Variants in OS9 observed in about 807,000 individuals in gnomAD.
OS9 encodes the protein protein OS-9.
OS9 carries 58 observed loss-of-function variants against 84.7 expected under a neutral mutation model. The observed-to-expected ratio is 0.68, with a 90% confidence interval of 0.55 to 0.85. OS9 has a LOEUF of 0.85. Ranked by LOEUF, OS9 falls within the 40% of genes least tolerant of loss-of-function variation. The pLI is 0.00. For missense variants in OS9, 760 were observed against 850.9 expected (o/e 0.89, Z 1.33); for synonymous variants, 278 against 320.8 (o/e 0.87, Z 1.43).
intron 5 of OS9, among the ~76,000 whole-genome samples, chr12:57,708,625 CAAA>C (rs150314356): frequency 5.1e-5 from 6 of 117,716 alleles, no homozygotes; most frequent in South Asian, 2.6e-4. Context: ...GACACTGTCT[CAAA>C]AAAAAAAAAA....
rs1005835477 is a variant in OS9, at chr12:57,717,862, C to T, written c.1046-8C>T. 1 of 1,265,354 alleles carries T rather than the reference C, an allele frequency of 7.9e-7. No individual in the cohort carries two copies. Among genetic ancestry groups the T allele is most frequent in the Admixed American group, 2.0e-5 (1 of 50,352 alleles). The allele number at this position is 1,265,354 out of a possible 1,614,324, so 78.4% of individuals were successfully genotyped here. A position where few individuals can be genotyped will look rare whatever the true frequency, so the allele number is the denominator to read the frequency against. On this transcript the variant is annotated splice_polypyrimidine_tract_variant and splice_region_variant and intron_variant, in intron 9 of 14. Transcript: ENST00000315970. ...AACAGGTTCATGATTATTATTCTTT[C>T]ATCTCAGATTTTCAGAACAACGTGC...
intron 5 of OS9, among the ~76,000 whole-genome samples, chr12:57,698,284 C>T (rs1953924284): frequency 6.8e-6 from 1 of 146,908 alleles, no homozygotes; most frequent in East Asian, 1.9e-4. Flanking sequence ...AGCATCCACA[C>T]ACGTATATAA....
intron 5 of OS9, among the ~76,000 whole-genome samples, chr12:57,713,345 G>A (rs1164205257): frequency 6.6e-6 from 1 of 152,162 alleles, no homozygotes; most frequent in Non-Finnish European, 1.5e-5. Flanking sequence ...TTGGGGTCAG[G>A]AATAATGGCT....
At chr12:57,700,013 T>A (rs1953972505) in intron 5 of OS9, among the ~76,000 whole-genome samples, 1 of 151,900 alleles carries the variant, frequency 6.6e-6, no homozygotes, top group African/African-American at 2.4e-5. Flanking sequence ...GAGAATTGCT[T>A]GAACCCGGGA....
chr12:57,709,663 ACT>A (rs774274571), intron 5 of OS9, among the ~76,000 whole-genome samples: 52 of 152,018 alleles, frequency 3.4e-4, no homozygotes, highest in East Asian at 1.9e-3. Context: ...CATTTAAAGA[ACT>A]CTGTTAATAT....
intron 1 of OS9, 82 bp downstream of exon 1, chr12:57,694,405 TG>T (rs1953760675): frequency 5.6e-6 from 8 of 1,438,180 alleles, no homozygotes; most frequent in African/African-American, 1.4e-5. Flanking sequence ...CTCCGGAGTC[TG>T]GGGCTGGAGC....
chr12:57,718,096 G>A, intron 10 of OS9, 50 bp from the exon 11 acceptor site: 1 of 1,586,738 alleles, frequency 6.3e-7, no homozygotes, highest in Non-Finnish European at 8.6e-7. Flanking sequence ...CCGACCATGT[G>A]TCTCTGTTGA....
rs1298076920 is a variant in OS9 at position 57,694,266 on chromosome 12, G to A, written c.105G>A (p.Glu35=). The A allele has an allele frequency of 8.7e-6, 14 of 1,614,064 alleles. No individual in the cohort carries two copies. The highest frequency in any genetic ancestry group is 1.2e-5 in the Non-Finnish European group (14 of 1,180,042). The part of the protein sequence containing the change: ...TGGVGSLNLE[E]LSEMRYGIEI... ...GTGTCGGGAGCCTGAACCTGGAGGA[G>A]CTGAGTGAGATGCGTTATGGGATCG... The change falls in exon 1 of 15, where the codon GAG becomes GAA. Residue 35 remains glutamate (E), a synonymous_variant. Coordinates refer to ENST00000315970, the MANE Select transcript of OS9 (RefSeq NM_006812.4).
intron 5 of OS9, among the ~76,000 whole-genome samples, chr12:57,711,410 G>A (rs948579764): frequency 4.7e-5 from 6 of 128,742 alleles, no homozygotes; most frequent in African/African-American, 8.9e-5. Flanking sequence ...GCAGTGGCGC[G>A]ATCTCTGCTC....
In OS9 at chr12:57,699,342, A is replaced by T. The variant is rs544573713; in HGVS notation, c.579+2969A>T. 2.6e-5 allele frequency among the ~76,000 whole-genome samples: 4 copies of T among 152,336 alleles called. No individual in the cohort carries two copies. The East Asian group carries it at 7.7e-4, about 29-fold the overall frequency. ...TTGTCCTTGTATCAGCCATAACTGAAGCCAAGGTATGGATGAAATCCCCCA... is the reference window on the plus strand; with the variant it reads ...TTGTCCTTGTATCAGCCATAACTGATGCCAAGGTATGGATGAAATCCCCCA... On this transcript the variant is annotated intron_variant, in intron 5 of 14. Transcript: ENST00000315970.
chr12:57,720,976 C>T lies in OS9; in HGVS notation c.*67C>T, dbSNP rs1007220658. On this transcript the variant is annotated 3_prime_UTR_variant, in exon 15 of 15. Transcript: ENST00000315970. ...CCTGGACTGGCTTGCCTCCTCCCCA[C>T]CTCCCCACCCTGGAACCCCTGAGGG... The T allele has an allele frequency of 3.2e-6, 5 of 1,577,894 alleles. No homozygotes were observed. The highest frequency in any genetic ancestry group is 1.7e-6 in the Non-Finnish European group (2 of 1,150,488).
chr12:57,714,587 T>A (rs1388591391), intron 5 of OS9, among the ~76,000 whole-genome samples: 1 of 152,102 alleles, frequency 6.6e-6, no homozygotes, highest in Non-Finnish European at 1.5e-5. Flanking sequence ...ATTTCAGAAG[T>A]AGGACCGCTC....
intron 12 of OS9, 69 bp from the exon 13 acceptor site, chr12:57,720,030 G>A: frequency 7.0e-7 from 1 of 1,434,292 alleles, no homozygotes; most frequent in Non-Finnish European, 9.5e-7. Context: ...AGGGGGAGAT[G>A]ACCCCCACAC....
chr12:57,700,531 A>G (rs1013936709), intron 5 of OS9, among the ~76,000 whole-genome samples: 1 of 151,912 alleles, frequency 6.6e-6, no homozygotes, highest in African/African-American at 2.4e-5. Context: ...TAAAGCCCCT[A>G]CTCCAGGGCA....
At chr12:57,707,022 A>G (rs1424425341) in intron 5 of OS9, among the ~76,000 whole-genome samples, 1 of 152,116 alleles carries the variant, frequency 6.6e-6, no homozygotes. Flanking sequence ...ATAATTTCAT[A>G]GGCCATTATT....
In OS9 at chr12:57,696,287, C is replaced by T. The variant is rs781604215; in HGVS notation, c.493C>T (p.His165Tyr). The T allele has an allele frequency of 4.3e-5, 69 of 1,611,678 alleles. No individual in the cohort carries two copies. Among genetic ancestry groups the T allele is most frequent in the Non-Finnish European group, 1.0e-5 (12 of 1,178,762 alleles). The change falls in exon 5 of 15, where the codon CAT (histidine) becomes TAT (tyrosine). Residue 165 changes from histidine (H) to tyrosine (Y), a missense_variant. Physicochemically the swap from His to Tyr is moderately conservative, Grantham distance 83 (BLOSUM62 2). Transcript: ENST00000315970. Reference sequence around the variant, plus strand: ...ATGTCTTCTCCAGGCCTCCAAGCAGCATCGTCTTAAACGCTACCACAGCCA... The same window carrying T: ...ATGTCTTCTCCAGGCCTCCAAGCAGTATCGTCTTAAACGCTACCACAGCCA... ...DDETAKASKQ[H>Y]RLKRYHSQTY...
intron 11 of OS9, among the ~76,000 whole-genome samples, chr12:57,718,765 C>T (rs1483391118): frequency 1.3e-5 from 2 of 152,132 alleles, no homozygotes; most frequent in Admixed American, 6.5e-5. Context: ...ATTGGCCAGG[C>T]ATGGCAGTGG....
intron 5 of OS9, among the ~76,000 whole-genome samples, chr12:57,715,517 G>C (rs1232476978): frequency 6.6e-6 from 1 of 152,070 alleles, no homozygotes; most frequent in Non-Finnish European, 1.5e-5. Flanking sequence ...CCACTTAAAG[G>C]CTGGTCAACC....
intron 5 of OS9, among the ~76,000 whole-genome samples, chr12:57,697,920 C>CGGGACCTA (rs1555192641): frequency 1.2e-5 from 1 of 81,064 alleles, no homozygotes; most frequent in African/African-American, 4.5e-5. Flanking sequence ...CACACACACA[C>CGGGACCTA]ACATACACAC....
Sources: allele counts gnomAD v4.1 joint callset (sites outside exome capture counted in the v4.1 genomes callset), GRCh38; gene constraint gnomAD v4.1.1; transcripts MANE v1.5; gene names NCBI Gene and HGNC (gene_info 2026-07-23, HGNC 2026-07-21).